Variants in LRMDA observed in about 807,000 individuals in gnomAD.
LRMDA encodes the protein leucine-rich melanocyte differentiation-associated protein.
Under a neutral mutation model 29.8 loss-of-function variants are expected in LRMDA, and 18 were observed. The observed-to-expected ratio is 0.60, with a 90% CI of 0.42 to 0.90. LRMDA has a LOEUF of 0.90. LRMDA is among the 40% of genes least tolerant of loss of function. The pLI is 0.00. For missense variants in LRMDA, 273 were observed against 273.9 expected, an observed-to-expected ratio of 1.00 and a Z score of 0.02; for synonymous variants, 125 against 109.4, an observed-to-expected ratio of 1.14 and a Z score of -0.89.
intron 2 of LRMDA, among the ~76,000 whole-genome samples, chr10:75,579,566 T>G (rs1317474769): frequency 6.6e-6 from 1 of 152,200 alleles, no homozygotes; most frequent in Non-Finnish European, 1.5e-5. Flanking sequence ...CCCTAACTCA[T>G]TTTATGAGGC....
intron 2 of LRMDA, among the ~76,000 whole-genome samples, chr10:76,017,695 C>T (rs537175745): frequency 3.3e-5 from 5 of 152,246 alleles, no homozygotes; most frequent in South Asian, 2.1e-4. Flanking sequence ...AGCCCATCAA[C>T]GGTGATGAAA....
chr10:76,229,879 C>T (rs1367390400), intron 5 of LRMDA, among the ~76,000 whole-genome samples: 2 of 152,086 alleles, frequency 1.3e-5, no homozygotes, highest in South Asian at 2.1e-4. Flanking sequence ...CACCATTTTG[C>T]CCCTTAGTTC....
intron 2 of LRMDA, among the ~76,000 whole-genome samples, chr10:75,949,499 C>T (rs1393198287): frequency 2.0e-5 from 3 of 152,128 alleles, no homozygotes; most frequent in Admixed American, 6.5e-5. Flanking sequence ...GATGGGCTCA[C>T]GTGGTTTTCC....
At chr10:76,438,060 A>T (rs1201246554) in intron 6 of LRMDA, among the ~76,000 whole-genome samples, 2 of 152,190 alleles carry the variant, frequency 1.3e-5, no homozygotes, top group Non-Finnish European at 2.9e-5. Flanking sequence ...TGTCCTTGAG[A>T]TCACATATGC....
At chr10:76,235,338 CA>C (rs1336660714) in intron 5 of LRMDA, among the ~76,000 whole-genome samples, 1 of 152,048 alleles carries the variant, frequency 6.6e-6, no homozygotes. Context: ...ATCACCATAA[CA>C]GATATAATAA....
chr10:75,800,294 T>C (rs1417954981), intron 2 of LRMDA, among the ~76,000 whole-genome samples: 3 of 152,332 alleles, frequency 2.0e-5, no homozygotes, highest in Admixed American at 6.5e-5. Context: ...GCCATACCAC[T>C]TTTTTATGTG....
chr10:75,758,898 G>T (rs1250254180), intron 2 of LRMDA, among the ~76,000 whole-genome samples: 1 of 151,570 alleles, frequency 6.6e-6, no homozygotes, highest in Non-Finnish European at 1.5e-5. Flanking sequence ...ATTGAATTAA[G>T]ATTAAACAAA....
intron 2 of LRMDA, among the ~76,000 whole-genome samples, chr10:75,683,974 T>G (rs1341316800): frequency 6.6e-6 from 1 of 152,232 alleles, no homozygotes. Context: ...TTTATGGATC[T>G]GATTCTTATC....
chr10:75,500,242 C>T (rs1564786729), intron 2 of LRMDA, among the ~76,000 whole-genome samples: 1 of 152,166 alleles, frequency 6.6e-6, no homozygotes, highest in Non-Finnish European at 1.5e-5. Context: ...TGCACACACA[C>T]ACAACTGAGC....
At chr10:75,563,523 C>A (rs1589186130) in intron 2 of LRMDA, among the ~76,000 whole-genome samples, 1 of 152,170 alleles carries the variant, frequency 6.6e-6, no homozygotes, top group East Asian at 1.9e-4. Context: ...GCCTTCTTCT[C>A]TCAACTCGTC....
intron 6 of LRMDA, among the ~76,000 whole-genome samples, chr10:76,410,110 G>A (rs1589170477): frequency 1.3e-5 from 2 of 152,144 alleles, no homozygotes; most frequent in East Asian, 1.9e-4. Context: ...GGCATGGAAT[G>A]TTGAAGGCAC....
At chr10:76,352,082 A>C (rs1841183835) in intron 6 of LRMDA, among the ~76,000 whole-genome samples, 2 of 152,122 alleles carry the variant, frequency 1.3e-5, no homozygotes, top group African/African-American at 4.8e-5. Context: ...TGCCTTACTA[A>C]GGTTGTTGTG....
rs899210836 is a variant in LRMDA, at chr10:75,749,391, G to A, written c.132-286617G>A. Among the ~76,000 whole-genome samples the A allele has an allele frequency of 3.9e-5, 6 of 152,074 alleles. 1 individual carries two copies. In the Middle Eastern group the frequency reaches 0.01, roughly 259 times the overall value. On this transcript the variant is annotated intron_variant, in intron 2 of 6. Coordinates refer to ENST00000611255, the MANE Select transcript of LRMDA (RefSeq NM_001305581.2). ...GGTTGGTGCCCCTAACTCCCATGTTGTTTAAGGATCAACTGTATACATACA... is the reference window on the plus strand; with the variant it reads ...GGTTGGTGCCCCTAACTCCCATGTTATTTAAGGATCAACTGTATACATACA...
At chr10:76,345,593 A>G (rs1001710156) in intron 6 of LRMDA, among the ~76,000 whole-genome samples, 1 of 151,754 alleles carries the variant, frequency 6.6e-6, no homozygotes, top group South Asian at 2.1e-4. Context: ...ATATTTATGA[A>G]AAAACTCTGA....
At chr10:75,541,036 G>A (rs1382422164) in intron 2 of LRMDA, among the ~76,000 whole-genome samples, 1 of 152,068 alleles carries the variant, frequency 6.6e-6, no homozygotes, top group Non-Finnish European at 1.5e-5. Flanking sequence ...TATAAGAAGA[G>A]TTTTAACAAC....
At chr10:76,502,381 T>G (rs996508260) in intron 6 of LRMDA, among the ~76,000 whole-genome samples, 1 of 152,094 alleles carries the variant, frequency 6.6e-6, no homozygotes, top group Non-Finnish European at 1.5e-5. Flanking sequence ...AAATAGTTTC[T>G]TCTAATTCTG....
intron 5 of LRMDA, among the ~76,000 whole-genome samples, chr10:76,286,543 A>C (rs1489047705): frequency 6.6e-6 from 1 of 152,186 alleles, no homozygotes; most frequent in Admixed American, 6.5e-5. Context: ...GCAGCAGTTA[A>C]GGATGAGACC....
chr10:76,367,898 A>T (rs1468008269), intron 6 of LRMDA, among the ~76,000 whole-genome samples: 1 of 152,096 alleles, frequency 6.6e-6, no homozygotes, highest in Non-Finnish European at 1.5e-5. Context: ...AAAGGTGTTC[A>T]TAGTAGCCTT....
intron 2 of LRMDA, among the ~76,000 whole-genome samples, chr10:75,938,383 A>G (rs1377863897): frequency 6.6e-6 from 1 of 152,206 alleles, no homozygotes; most frequent in African/African-American, 2.4e-5. Flanking sequence ...GTTTTCATTT[A>G]GCTTTGAAGT....
Sources: gnomAD v4.1 joint callset for allele counts (sites outside exome capture counted in the v4.1 genomes callset) on GRCh38, gnomAD v4.1.1 for gene constraint, MANE v1.5 for transcripts, NCBI Gene and HGNC (gene_info 2026-07-23, HGNC 2026-07-21) for gene names.